The following ATG16L1 variants were observed in gnomAD, a reference collection of about 807,000 sequenced individuals.
The protein encoded by ATG16L1 is autophagy related 16 like 1.
ATG16L1 carries 37 observed loss-of-function variants against 88.5 expected under a neutral mutation model. The observed-to-expected ratio is 0.42, with a 90% CI of 0.32 to 0.55. The LOEUF is 0.55. ATG16L1 is among the 20% of genes least tolerant of loss of function. The pLI is 0.13. For missense variants in ATG16L1, 554 were observed against 752.8 expected (o/e 0.74, Z 3.09); for synonymous variants, 301 against 281.0 (o/e 1.07, Z -0.71).
intron 12 of ATG16L1, among the ~76,000 whole-genome samples, chr2:233,287,988 C>A (rs894944540): frequency 1.3e-5 from 2 of 152,118 alleles, no homozygotes; most frequent in Admixed American, 1.3e-4. Context: ...TATTCATGGA[C>A]TGTATCTAGT....
At chr2:233,269,796 T>C (rs1697859158) in intron 5 of ATG16L1, among the ~76,000 whole-genome samples, 1 of 152,236 alleles carries the variant, frequency 6.6e-6, no homozygotes, top group Admixed American at 6.5e-5. Flanking sequence ...ATCTCTCTTC[T>C]AGGCTTTACT....
intron 2 of ATG16L1, among the ~76,000 whole-genome samples, chr2:233,256,448 C>T (rs1244201439): frequency 6.6e-6 from 1 of 152,152 alleles, no homozygotes; most frequent in African/African-American, 2.4e-5. Flanking sequence ...ACGTGGTAAC[C>T]CTAGGTCAGT....
At chr2:233,288,700 C>T (rs754433985) in intron 12 of ATG16L1, 1 of 510,134 alleles carries the variant, frequency 2.0e-6, no homozygotes, top group Non-Finnish European at 3.9e-6. Context: ...GGTAAAAGGT[C>T]TGAGTCCTCA....
rs12994997 is a variant in ATG16L1, at chr2:233,264,857, G to C, written c.390-35G>C. ...TCTGGCTCTGGCACAGGGCTCTGGC[G>C]AGGTACTATTCGTCCTCTGATGTCA... On this transcript the variant is annotated intron_variant, in intron 4 of 17. Coordinates refer to ENST00000392017, the MANE Select transcript of ATG16L1 (RefSeq NM_030803.7). The C allele has an allele frequency of 1.9e-6, 3 of 1,610,424 alleles. No homozygotes were observed. The African/African-American group carries it at 4.0e-5, about 22-fold the overall frequency.
Position 233,251,962 on chromosome 2 carries a change from G to C in ATG16L1, c.115+20G>C. ...TGCAGTGTGAGCGGCGCCGGTGCGG[G>C]CTGGGAGTGGGGCGGGCGGGCCCCG... On this transcript the variant is annotated intron_variant, in intron 1 of 17. Transcript: ENST00000392017. 2 of 1,519,440 alleles carry C rather than the reference G, an allele frequency of 1.3e-6. No homozygotes were observed. The highest frequency in any genetic ancestry group is 8.8e-7 in the Non-Finnish European group (1 of 1,133,298). The allele number at this position is 1,519,440 out of a possible 1,614,324, so 94.1% of individuals were successfully genotyped here. A position where few individuals can be genotyped will look rare whatever the true frequency, so the allele number is the denominator to read the frequency against.
rs756137498 is a variant in ATG16L1 at position 233,273,742 on chromosome 2, T to C, written c.816T>C (p.Ala272=). 43 of 1,614,124 alleles carry C rather than the reference T, an allele frequency of 2.7e-5. No individual in the cohort carries two copies. Among genetic ancestry groups the C allele is most frequent in the Non-Finnish European group, 3.6e-5 (43 of 1,180,042 alleles). ...TTAGTAAGCGACTCTCGCAGCCTGCTGGAGGCCTTCTGGATTCTATCACTA... is the reference window on the plus strand; with the variant it reads ...TTAGTAAGCGACTCTCGCAGCCTGCCGGAGGCCTTCTGGATTCTATCACTA... ...RAATKRLSQP[A]GGLLDSITNI... is the part of the protein sequence containing the mutation. The change falls in exon 8 of 18, where the codon GCT becomes GCC. Residue 272 remains alanine, a synonymous_variant. Transcript: ENST00000392017.
rs899665450 is a variant in ATG16L1 at position 233,251,694 on chromosome 2, G to A, written c.-134G>A. 1.8e-5 allele frequency: 14 copies of A among 760,040 alleles called. No homozygotes were observed. The highest frequency in any genetic ancestry group is 4.5e-5 in the Admixed American group (2 of 44,774). 47.1% of individuals were successfully genotyped at this position (760,040 alleles called of 1,614,324 possible). A position where few individuals can be genotyped will look rare whatever the true frequency, so the allele number is the denominator to read the frequency against. On this transcript the variant is annotated 5_prime_UTR_variant, in exon 1 of 18. Coordinates refer to ENST00000392017, the MANE Select transcript of ATG16L1 (RefSeq NM_030803.7). ...CGGAAGACCGTCCCGGATGGCCTCG[G>A]GGACTGCCAGTGTGTGGAGGTGAGC...
intron 4 of ATG16L1, among the ~76,000 whole-genome samples, chr2:233,264,668 C>G (rs555264205): frequency 6.6e-6 from 1 of 152,146 alleles, no homozygotes; most frequent in Admixed American, 6.5e-5. Context: ...ATCTAAGCAT[C>G]GAAAGTTTCT....
At chr2:233,286,621 CTTTTTTTTTTTTT>C (rs10676895) in intron 12 of ATG16L1, among the ~76,000 whole-genome samples, 1 of 93,290 alleles carries the variant, frequency 1.1e-5, no homozygotes, top group Non-Finnish European at 2.0e-5. Context: ...GAAGCCCAAA[CTTTTTTTTTTTTT>C]TTTTTTTTTG....
chr2:233,290,096 T>C (rs767063941), intron 13 of ATG16L1, 122 bp downstream of exon 13: 38 of 1,533,302 alleles, frequency 2.5e-5, no homozygotes, highest in Middle Eastern at 1.7e-4. Flanking sequence ...GCTTCATGTT[T>C]AGAGGGGCAC....
In ATG16L1 at chr2:233,256,241, T is replaced by C. The variant is rs774682297; in HGVS notation, c.209+46T>C. 3 of 1,483,102 alleles carry C rather than the reference T, an allele frequency of 2.0e-6. No individual in the cohort carries two copies. The African/African-American group carries it at 4.2e-5, about 21-fold the overall frequency. The allele number at this position is 1,483,102 out of a possible 1,614,324, so 91.9% of individuals were successfully genotyped here. On this transcript the variant is annotated intron_variant, in intron 2 of 17. Transcript: ENST00000392017. ...ATTATTTATGTCTCCTCTAAGGAAA[T>C]TTATCTCAGTTCAGTTGTCACTTCT... is the stretch of plus-strand genomic sequence containing the variant.
chr2:233,254,502 G>C (rs1459614384), intron 1 of ATG16L1, among the ~76,000 whole-genome samples: 1 of 152,190 alleles, frequency 6.6e-6, no homozygotes, highest in Non-Finnish European at 1.5e-5. Flanking sequence ...TGAGTCTGAA[G>C]AGAAAGGTGG....
chr2:233,282,794 C>T, intron 12 of ATG16L1, 41 bp downstream of exon 12: 1 of 1,582,394 alleles, frequency 6.3e-7, no homozygotes, highest in South Asian at 1.1e-5. Flanking sequence ...CTCCAAACTT[C>T]ATGTGGTGTT....
At chr2:233,279,423 T>C (rs1259985743) in intron 10 of ATG16L1, among the ~76,000 whole-genome samples, 1 of 152,194 alleles carries the variant, frequency 6.6e-6, no homozygotes, top group Non-Finnish European at 1.5e-5. Context: ...AGCACATAAT[T>C]TGTGTTAATA....
intron 2 of ATG16L1, among the ~76,000 whole-genome samples, chr2:233,258,001 CAAAAAA>C (rs57141358): frequency 0.048 from 4,226 of 88,770 alleles, 226 homozygotes; most frequent in African/African-American, 0.14. Context: ...GACTCCGTCT[CAAAAAA>C]AAAAAAAAAA....
chr2:233,295,008 A>G lies in ATG16L1; in HGVS notation c.*658A>G, dbSNP rs1230010042. 6.6e-6 allele frequency: 1 copy of G among 151,980 alleles called. No homozygotes were observed. The highest frequency in any genetic ancestry group is 1.5e-5 in the Non-Finnish European group (1 of 67,960). 9.4% of individuals were successfully genotyped at this position (151,980 alleles called of 1,614,324 possible). On this transcript the variant is annotated 3_prime_UTR_variant, in exon 18 of 18. Coordinates refer to ENST00000392017, the MANE Select transcript of ATG16L1 (RefSeq NM_030803.7). ...GGTTTTTTGTTTTTTTGTTTTTTTG[A>G]GGTGGGAGAGGATGTGTGAAAATCT...
At chr2:233,291,850 T>C (rs1422213469) in intron 14 of ATG16L1, among the ~76,000 whole-genome samples, 1 of 152,224 alleles carries the variant, frequency 6.6e-6, no homozygotes, top group African/African-American at 2.4e-5. Context: ...AGTTAGCTCA[T>C]GCTGATCAGA....
rs937475691 is a variant in ATG16L1, at chr2:233,277,805, C to T, written c.1060+132C>T. The T allele has an allele frequency of 1.6e-5, 12 of 735,048 alleles. No individual in the cohort carries two copies. The East Asian group carries it at 2.2e-4, about 14-fold the overall frequency. The allele number at this position is 735,048 out of a possible 1,614,324, so 45.5% of individuals were successfully genotyped here. The stretch of plus-strand genomic sequence containing the variant: ...CTGTGAATTGTTCATTTTCTCAAAA[C>T]ATACATTTTATGTAAGGGATCGTTT... On this transcript the variant is annotated intron_variant, in intron 10 of 17. Transcript: ENST00000392017.
Position 233,280,989 on chromosome 2 carries a change from G to C in ATG16L1, c.1061-116G>C. On this transcript the variant is annotated intron_variant, in intron 10 of 17. Coordinates refer to ENST00000392017, the MANE Select transcript of ATG16L1 (RefSeq NM_030803.7). ...TTTTGTTTGATTCTGTAAAGGTACA[G>C]GATAGCTATTGTTTTAGCAGTGTAA... is the stretch of plus-strand genomic sequence containing the variant. 5 of 629,040 alleles carry C rather than the reference G, an allele frequency of 7.9e-6. No individual in the cohort carries two copies. The South Asian group carries it at 1.0e-4, about 13-fold the overall frequency. 39.0% of individuals were successfully genotyped at this position (629,040 alleles called of 1,614,324 possible). A position where few individuals can be genotyped will look rare whatever the true frequency, so the allele number is the denominator to read the frequency against.
Sources: gnomAD v4.1 joint callset for allele counts (sites outside exome capture counted in the v4.1 genomes callset) on GRCh38, gnomAD v4.1.1 for gene constraint, MANE v1.5 for transcripts, NCBI Gene and HGNC (gene_info 2026-07-23, HGNC 2026-07-21) for gene names.